The following CREB1 variants were observed in gnomAD, a reference collection of about 807,000 sequenced individuals.
CREB1 encodes cAMP responsive element binding protein 1.
In CREB1, 2 loss-of-function variants were observed where a neutral mutation model predicts 42.0. The observed-to-expected ratio is 0.05, with a 90% CI of 0.02 to 0.15. The LOEUF (loss-of-function observed/expected upper bound fraction) is 0.15, where lower values mean the gene tolerates loss of function less well. Ranked by LOEUF, CREB1 falls within the 10% of genes least tolerant of loss-of-function variation. The probability of loss-of-function intolerance (pLI) is 1.00; values close to 1 mark genes in which losing one functional copy is unlikely to be tolerated. For synonymous variants in CREB1, 123 were observed against 139.9 expected, an observed-to-expected ratio of 0.88 and a Z score of 0.85; for missense variants, 199 against 388.9, an observed-to-expected ratio of 0.51 and a Z score of 4.11.
intron 1 of CREB1, among the ~76,000 whole-genome samples, chr2:207,551,274 T>C (rs2081493026): frequency 6.6e-6 from 1 of 152,240 alleles, no homozygotes; most frequent in African/African-American, 2.4e-5. Context: ...TTTTAATTAC[T>C]ACTGTTTTTA....
intron 1 of CREB1, among the ~76,000 whole-genome samples, chr2:207,531,213 G>C (rs1035693372): frequency 3.9e-5 from 6 of 152,016 alleles, no homozygotes; most frequent in Non-Finnish European, 8.8e-5. Context: ...TCATTTCGCG[G>C]GGTGCAACCT....
chr2:207,570,040 C>CAAAA (rs757439012), intron 4 of CREB1, 139 bp from the exon 5 acceptor site: 181 of 177,526 alleles, frequency 1.0e-3, no homozygotes, highest in South Asian at 1.4e-3. Flanking sequence ...GACTCCATCT[C>CAAAA]AAAAAAAAAA....
At chr2:207,563,345 A>G (rs1480336847) in intron 3 of CREB1, among the ~76,000 whole-genome samples, 1 of 152,232 alleles carries the variant, frequency 6.6e-6, no homozygotes, top group Non-Finnish European at 1.5e-5. Context: ...TAAATTGTTC[A>G]GGAGTCTTCC....
At chr2:207,592,377 G>A (rs2085212675) in intron 7 of CREB1, among the ~76,000 whole-genome samples, 1 of 152,120 alleles carries the variant, frequency 6.6e-6, no homozygotes, top group Non-Finnish European at 1.5e-5. Context: ...CTGCACTCCA[G>A]CCTGGCAACA....
At chr2:207,564,384 T>C (rs1222034847) in intron 3 of CREB1, among the ~76,000 whole-genome samples, 1 of 152,046 alleles carries the variant, frequency 6.6e-6, no homozygotes, top group African/African-American at 2.4e-5. Flanking sequence ...AGTGCATGCC[T>C]GCAATCCCAG....
At chr2:207,552,905 C>T (rs1480704632) in intron 1 of CREB1, among the ~76,000 whole-genome samples, 3 of 151,982 alleles carry the variant, frequency 2.0e-5, no homozygotes, top group Non-Finnish European at 4.4e-5. Context: ...CATGAGCCAC[C>T]GCGCCCGGCT....
intron 2 of CREB1, among the ~76,000 whole-genome samples, chr2:207,558,347 T>C (rs1440879109): frequency 6.6e-6 from 1 of 152,180 alleles, no homozygotes; most frequent in African/African-American, 2.4e-5. Context: ...AGCCTATCCT[T>C]ACTTCTTGCA....
rs748927176 is a variant in CREB1, at chr2:207,562,327, T to C, written c.261+1955T>C. ...ATCTTTCTATAAAGAACACAAAAAT[T>C]ACTTAAGTTACAGCCACAAAATTTG... On this transcript the variant is annotated intron_variant, in intron 3 of 7. Coordinates refer to ENST00000353267, the MANE Select transcript of CREB1 (RefSeq NM_004379.5). 9.2e-5 allele frequency among the ~76,000 whole-genome samples: 14 copies of C among 152,320 alleles called. No homozygotes were observed. The South Asian group carries it at 2.1e-3, about 23-fold the overall frequency.
chr2:207,533,608 T>C (rs186758614), intron 1 of CREB1, among the ~76,000 whole-genome samples: 34 of 152,334 alleles, frequency 2.2e-4, no homozygotes, highest in Admixed American at 4.6e-4. Flanking sequence ...TTTGCAAATA[T>C]CTTGATATAT....
At chr2:207,588,187 A>G (rs770382718) in intron 7 of CREB1, among the ~76,000 whole-genome samples, 34 of 152,278 alleles carry the variant, frequency 2.2e-4, no homozygotes, top group Middle Eastern at 3.4e-3. Flanking sequence ...TTATATTTAG[A>G]TCTATAATTC....
chr2:207,602,664 TTTC>T lies in CREB1; in HGVS notation c.*5609_*5611del, dbSNP rs1224001834. The T allele has an allele frequency of 2.4e-5, 5 of 210,170 alleles. No individual in the cohort carries two copies. The highest frequency in any genetic ancestry group is 1.9e-5 in the Non-Finnish European group (2 of 103,460). The allele number at this position is 210,170 out of a possible 1,614,324, so 13.0% of individuals were successfully genotyped here. The stretch of plus-strand genomic sequence containing the variant: ...TATCATTGTGTTTGGGAGGTTTTAT[TTTC>T]TTATGTTTTTAAAATTGGTAAATGC... On this transcript the variant is annotated 3_prime_UTR_variant, in exon 8 of 8. Transcript: ENST00000353267.
chr2:207,560,921 T>C (rs1164829718), intron 3 of CREB1, among the ~76,000 whole-genome samples: 2 of 152,198 alleles, frequency 1.3e-5, no homozygotes, highest in African/African-American at 2.4e-5. Context: ...TCTAATTCTT[T>C]GGAGAGATCT....
chr2:207,546,391 G>A (rs916690332), intron 1 of CREB1, among the ~76,000 whole-genome samples: 1 of 152,128 alleles, frequency 6.6e-6, no homozygotes, highest in African/African-American at 2.4e-5. Context: ...TTTATCTGTA[G>A]AATGTGCAAC....
In CREB1 at chr2:207,570,245, AGAG is replaced by A; in HGVS notation, c.433_435del (p.Glu145del). The A allele has an allele frequency of 1.2e-6, 2 of 1,613,826 alleles. No individual in the cohort carries two copies. The highest frequency in any genetic ancestry group is 1.7e-6 in the Non-Finnish European group (2 of 1,179,736). On this transcript the variant is annotated inframe_deletion, in exon 5 of 8. Transcript: ENST00000353267. ...CAAGGATTGAAGAAGAGAAGTCTGAAGAGGAGACTTCAGCACCTGCCATCACCA... is the reference window on the plus strand; with the variant it reads ...CAAGGATTGAAGAAGAGAAGTCTGAAGAGACTTCAGCACCTGCCATCACCA...
rs1383490230 is a variant in CREB1 at position 207,605,558 on chromosome 2, TAAG to T, written c.*8504_*8506del. On this transcript the variant is annotated 3_prime_UTR_variant, in exon 8 of 8. Coordinates refer to ENST00000353267, the MANE Select transcript of CREB1 (RefSeq NM_004379.5). ...AAGAAACATGGAAAAGGGCAAACTG[TAAG>T]AAGTTTTTTGTGTTATGTTTTTTGT... 1.3e-5 allele frequency among the ~76,000 whole-genome samples: 2 copies of T among 149,856 alleles called. No homozygotes were observed. The highest frequency in any genetic ancestry group is 6.6e-5 in the Admixed American group (1 of 15,262).
chr2:207,536,999 A>G (rs2080899361), intron 1 of CREB1, among the ~76,000 whole-genome samples: 1 of 152,160 alleles, frequency 6.6e-6, no homozygotes, highest in African/African-American at 2.4e-5. Context: ...CATAAATAAA[A>G]TATTACTGTG....
chr2:207,556,085 CAG>C (rs770974934), intron 2 of CREB1, among the ~76,000 whole-genome samples: 3 of 151,954 alleles, frequency 2.0e-5, no homozygotes, highest in Admixed American at 6.6e-5. Flanking sequence ...TAATATGACA[CAG>C]ATTTATTTTT....
At chr2:207,564,141 TTTC>T (rs1279793615) in intron 3 of CREB1, among the ~76,000 whole-genome samples, 1 of 152,150 alleles carries the variant, frequency 6.6e-6, no homozygotes, top group African/African-American at 2.4e-5. Flanking sequence ...GTGTAAAATT[TTTC>T]TTATTTATAA....
intron 2 of CREB1, among the ~76,000 whole-genome samples, chr2:207,556,106 G>A (rs896641079): frequency 2.0e-5 from 3 of 151,274 alleles, no homozygotes; most frequent in Admixed American, 2.0e-4. Context: ...TTTAACAGTG[G>A]GAATGCAGAT....
Sources: allele counts gnomAD v4.1 joint callset (sites outside exome capture counted in the v4.1 genomes callset), GRCh38; gene constraint gnomAD v4.1.1; transcripts MANE v1.5; gene names NCBI Gene and HGNC (gene_info 2026-07-23, HGNC 2026-07-21).